UBE2G1: variants seen among roughly 807,000 people sequenced by gnomAD.
UBE2G1 encodes the protein ubiquitin conjugating enzyme E2 G1.
Under a neutral mutation model 22.7 loss-of-function variants are expected in UBE2G1, and 5 were observed. The ratio of observed to expected loss-of-function variants is 0.22; its 90% CI spans 0.12 to 0.46. UBE2G1 has a LOEUF of 0.46. Ranked by LOEUF, UBE2G1 falls within the 20% of genes least tolerant of loss-of-function variation. UBE2G1 has a pLI of 0.99. For missense variants in UBE2G1, 88 were observed against 203.9 expected, an observed-to-expected ratio of 0.43 and a Z score of 3.46; for synonymous variants, 74 against 67.5, an observed-to-expected ratio of 1.10 and a Z score of -0.47.
intron 1 of UBE2G1, among the ~76,000 whole-genome samples, chr17:4,316,441 A>C (rs902476166): frequency 6.6e-6 from 1 of 152,150 alleles, no homozygotes; most frequent in Non-Finnish European, 1.5e-5. Flanking sequence ...TGTTACCTTA[A>C]AACATAAAAA....
At chr17:4,283,783 A>G (rs1277693024) in intron 4 of UBE2G1, among the ~76,000 whole-genome samples, 1 of 152,082 alleles carries the variant, frequency 6.6e-6, no homozygotes, top group Non-Finnish European at 1.5e-5. Flanking sequence ...AAACAAAGGG[A>G]AAAGGGTCTA....
At chr17:4,316,335 G>C (rs1969372961) in intron 1 of UBE2G1, among the ~76,000 whole-genome samples, 1 of 37,450 alleles carries the variant, frequency 2.7e-5, no homozygotes, top group Admixed American at 3.5e-4. Context: ...ATCATAGATA[G>C]ACAGACCCCT....
chr17:4,335,955 G>A (rs1969640640), intron 1 of UBE2G1, among the ~76,000 whole-genome samples: 1 of 152,102 alleles, frequency 6.6e-6, no homozygotes, highest in Non-Finnish European at 1.5e-5. Flanking sequence ...AGACCAGCCT[G>A]GCCAACATGG....
At chr17:4,276,439 G>A (rs979188537) in intron 5 of UBE2G1, among the ~76,000 whole-genome samples, 3 of 152,072 alleles carry the variant, frequency 2.0e-5, no homozygotes, top group Non-Finnish European at 2.9e-5. Context: ...GATTACAGGC[G>A]TGAGCCACTG....
intron 2 of UBE2G1, among the ~76,000 whole-genome samples, chr17:4,299,686 A>G (rs1055461899): frequency 2.0e-5 from 3 of 152,100 alleles, no homozygotes; most frequent in Admixed American, 2.0e-4. Flanking sequence ...AAAGCACACA[A>G]TTTTCACTCT....
At position 4,289,368 on chromosome 17, in the gene UBE2G1, C is replaced by A; in HGVS notation, c.288G>T (p.Glu96Asp). 2 of 1,581,152 alleles carry A rather than the reference C, an allele frequency of 1.3e-6. No homozygotes were observed. The highest frequency in any genetic ancestry group is 1.7e-6 in the Non-Finnish European group (2 of 1,163,854). ...CATAACCATACTTATCTTCCCCAGG[C>A]TCATGAAGAATAGAAATGCACACAT... ...NGDVCISILH[E>D]PGEDKYGYEK... The change falls in exon 4 of 6, where the codon GAG becomes GAT. Residue 96 changes from glutamate (E) to aspartate (D), a missense_variant. Coordinates refer to ENST00000396981, the MANE Select transcript of UBE2G1 (RefSeq NM_003342.5).
chr17:4,332,128 T>C (rs1055952842), intron 1 of UBE2G1, among the ~76,000 whole-genome samples: 2 of 152,200 alleles, frequency 1.3e-5, no homozygotes, highest in African/African-American at 2.4e-5. Flanking sequence ...TAAGTATATA[T>C]ACATATACAT....
At chr17:4,291,171 G>A (rs1969034204) in intron 3 of UBE2G1, among the ~76,000 whole-genome samples, 1 of 152,114 alleles carries the variant, frequency 6.6e-6, no homozygotes, top group South Asian at 2.1e-4. Context: ...GGCCAGCCTG[G>A]CCAACATGGA....
intron 1 of UBE2G1, among the ~76,000 whole-genome samples, chr17:4,353,174 C>T (rs1040400207): frequency 5.3e-5 from 8 of 151,906 alleles, no homozygotes; most frequent in East Asian, 1.9e-4. Context: ...GCCGAGATCA[C>T]GCCACTGCAC....
intron 1 of UBE2G1, chr17:4,364,408 G>A (rs1007867829): frequency 7.5e-6 from 1 of 133,760 alleles, no homozygotes; most frequent in Non-Finnish European, 1.6e-5. Flanking sequence ...TCCTGCCTCA[G>A]CCTCCCGATT....
chr17:4,338,198 C>G (rs757484790), intron 1 of UBE2G1, among the ~76,000 whole-genome samples: 1 of 149,480 alleles, frequency 6.7e-6, no homozygotes, highest in African/African-American at 2.5e-5. Context: ...ACAACTTAGG[C>G]GCTATATTTT....
At chr17:4,319,697 T>C (rs1969415267) in intron 1 of UBE2G1, among the ~76,000 whole-genome samples, 2 of 150,330 alleles carry the variant, frequency 1.3e-5, no homozygotes, top group South Asian at 4.2e-4. Context: ...AGCATGCTGC[T>C]GCACTCCAGC....
At chr17:4,340,855 A>G (rs1025764407) in intron 1 of UBE2G1, among the ~76,000 whole-genome samples, 3 of 145,516 alleles carry the variant, frequency 2.1e-5, no homozygotes, top group Non-Finnish European at 4.4e-5. Flanking sequence ...TGACCCTCCC[A>G]TTTCGGCCTT....
intron 2 of UBE2G1, among the ~76,000 whole-genome samples, chr17:4,299,407 CAA>C (rs1367620892): frequency 2.0e-5 from 3 of 151,920 alleles, no homozygotes; most frequent in Admixed American, 6.6e-5. Flanking sequence ...TCAACAACAA[CAA>C]AAAAAGAGTC....
chr17:4,355,412 G>A (rs915213627), intron 1 of UBE2G1, among the ~76,000 whole-genome samples: 20 of 150,352 alleles, frequency 1.3e-4, no homozygotes, highest in Admixed American at 3.3e-4. Flanking sequence ...AGGCCGAGGC[G>A]GGTGTATCAC....
intron 1 of UBE2G1, among the ~76,000 whole-genome samples, chr17:4,360,177 C>T (rs1969951448): frequency 6.6e-6 from 1 of 152,036 alleles, no homozygotes; most frequent in Non-Finnish European, 1.5e-5. Context: ...TTATTTCCTA[C>T]AAACCAATGA....
intron 1 of UBE2G1, among the ~76,000 whole-genome samples, chr17:4,311,384 G>A (rs1969308249): frequency 6.6e-6 from 1 of 152,182 alleles, no homozygotes. Context: ...AGCATTTGCT[G>A]TAATAATCAA....
At chr17:4,286,836 G>A (rs866418439) in intron 4 of UBE2G1, among the ~76,000 whole-genome samples, 1 of 152,126 alleles carries the variant, frequency 6.6e-6, no homozygotes, top group Non-Finnish European at 1.5e-5. Context: ...GAGGTCAGGA[G>A]TTTGAGACCA....
At chr17:4,299,674 T>G (rs1303254440) in intron 2 of UBE2G1, among the ~76,000 whole-genome samples, 1 of 152,140 alleles carries the variant, frequency 6.6e-6, no homozygotes, top group African/African-American at 2.4e-5. Flanking sequence ...CCCTAAAAAT[T>G]TAAAGCACAC....
Sources: allele counts gnomAD v4.1 joint callset (sites outside exome capture counted in the v4.1 genomes callset), GRCh38; gene constraint gnomAD v4.1.1; transcripts MANE v1.5; gene names NCBI Gene and HGNC (gene_info 2026-07-23, HGNC 2026-07-21).